Variants in SLIT2 observed in about 807,000 individuals in gnomAD.
SLIT2 encodes slit guidance ligand 2.
A neutral mutation model predicts 185.7 loss-of-function variants in SLIT2; 41 were observed. The observed-to-expected ratio is 0.22, with a 90% CI of 0.17 to 0.29. The LOEUF is 0.29. Ranked by LOEUF, SLIT2 falls within the 10% of genes least tolerant of loss-of-function variation. The pLI is 1.00. For missense variants in SLIT2, 1,571 were observed against 1,909.0 expected (o/e 0.82, Z 3.30); for synonymous variants, 693 against 680.2 (o/e 1.02, Z -0.29).
intron 4 of SLIT2, among the ~76,000 whole-genome samples, chr4:20,288,279 CT>C (rs1293933128): frequency 6.6e-6 from 1 of 152,190 alleles, no homozygotes; most frequent in Non-Finnish European, 1.5e-5. Flanking sequence ...GTGTGTAGGC[CT>C]GGGTTCCTCA....
chr4:20,260,035 A>G (rs1382334629), intron 3 of SLIT2, among the ~76,000 whole-genome samples: 2 of 151,916 alleles, frequency 1.3e-5, no homozygotes, highest in Non-Finnish European at 2.9e-5. Context: ...TTTTAAAAAT[A>G]CATTAAATGG....
intron 5 of SLIT2, among the ~76,000 whole-genome samples, chr4:20,470,788 C>A (rs1714911327): frequency 6.6e-6 from 1 of 152,070 alleles, no homozygotes; most frequent in African/African-American, 2.4e-5. Context: ...GTTGGCCAGG[C>A]TGGTGTTGAA....
intron 11 of SLIT2, among the ~76,000 whole-genome samples, chr4:20,516,096 T>A (rs373823005): frequency 4.6e-5 from 7 of 152,346 alleles, no homozygotes; most frequent in East Asian, 3.9e-4. Context: ...ACTACAGGCG[T>A]GAGCCACTGC....
intron 26 of SLIT2, among the ~76,000 whole-genome samples, chr4:20,559,762 G>A (rs1300426743): frequency 1.3e-5 from 2 of 151,912 alleles, no homozygotes; most frequent in Non-Finnish European, 2.9e-5. Flanking sequence ...ACTGGAGTCA[G>A]AATTTGAACC....
intron 5 of SLIT2, among the ~76,000 whole-genome samples, chr4:20,474,425 G>C (rs929715871): frequency 1.3e-5 from 2 of 151,862 alleles, no homozygotes; most frequent in Non-Finnish European, 2.9e-5. Flanking sequence ...CTCCATCTTT[G>C]CATTTTTCTT....
intron 5 of SLIT2, among the ~76,000 whole-genome samples, chr4:20,479,637 AAAAG>A (rs1451685267): frequency 6.6e-6 from 1 of 152,060 alleles, no homozygotes; most frequent in Non-Finnish European, 1.5e-5. Context: ...CAGAAAAAAA[AAAAG>A]AGTGTGGTAC....
chr4:20,615,692 A>C (rs1467874645), intron 34 of SLIT2: 2 of 152,224 alleles, frequency 1.3e-5, no homozygotes, highest in African/African-American at 2.4e-5. Flanking sequence ...ATGCCAATGG[A>C]TGAGTCATTT....
chr4:20,299,202 G>C (rs1716805062), intron 4 of SLIT2, among the ~76,000 whole-genome samples: 1 of 152,168 alleles, frequency 6.6e-6, no homozygotes, highest in Non-Finnish European at 1.5e-5. Flanking sequence ...AATCCACCCA[G>C]TGGGTGATTT....
intron 4 of SLIT2, among the ~76,000 whole-genome samples, chr4:20,333,435 A>G (rs991876848): frequency 4.6e-5 from 7 of 152,146 alleles, no homozygotes; most frequent in Non-Finnish European, 1.0e-4. Context: ...TTGTATGATT[A>G]TGCATATGTT....
rs561520082 is a variant in SLIT2, at chr4:20,380,250, T to G, written c.396-87502T>G. Among the ~76,000 whole-genome samples, 86 of 152,266 alleles carry G rather than the reference T, an allele frequency of 5.6e-4. No individual in the cohort carries two copies. The South Asian group carries it at 0.014, about 25-fold the overall frequency. Reference sequence around the variant, plus strand: ...GCTCTTCTGGACTTCCCTTAACAAATCTTATAAGCATTTCTCAAAATGAAT... The same window carrying G: ...GCTCTTCTGGACTTCCCTTAACAAAGCTTATAAGCATTTCTCAAAATGAAT... On this transcript the variant is annotated intron_variant, in intron 4 of 36. Transcript: ENST00000504154.
At chr4:20,570,780 G>T (rs1725541165) in intron 29 of SLIT2, among the ~76,000 whole-genome samples, 1 of 143,440 alleles carries the variant, frequency 7.0e-6, no homozygotes, top group Non-Finnish European at 1.5e-5. Flanking sequence ...TGAAAACCTA[G>T]GCTTTGGAGC....
intron 29 of SLIT2, among the ~76,000 whole-genome samples, chr4:20,570,944 C>T (rs1433295045): frequency 6.6e-6 from 1 of 151,654 alleles, no homozygotes; most frequent in Non-Finnish European, 1.5e-5. Flanking sequence ...TTTGTCTCAC[C>T]TGCTCACCCT....
intron 26 of SLIT2, among the ~76,000 whole-genome samples, chr4:20,554,524 A>G (rs186386262): frequency 4.6e-4 from 70 of 152,260 alleles, no homozygotes; most frequent in African/African-American, 1.6e-3. Context: ...CCTTTTTATT[A>G]CAAGAATAAT....
chr4:20,335,528 A>G (rs1168340943), intron 4 of SLIT2, among the ~76,000 whole-genome samples: 1 of 152,154 alleles, frequency 6.6e-6, no homozygotes, highest in Non-Finnish European at 1.5e-5. Flanking sequence ...ATGAGTTGAA[A>G]TATTGGAGCT....
At position 20,523,798 on chromosome 4, in the gene SLIT2, A is replaced by G. The variant is rs1021026463; in HGVS notation, c.1169A>G (p.Asp390Gly). ...AACAAGATAAACTGCCTTCGGGTAG[A>G]TGCTTTTCAGGATCTCCACAACTTG... Reference protein sequence around the residue: ...NANKINCLRVDAFQDLHNLNL... With the variant: ...NANKINCLRVGAFQDLHNLNL... The change falls in exon 13 of 37, where the codon GAT becomes GGT. Residue 390 changes from aspartate to glycine, a missense_variant. Around this residue, in one of 3 missense-constraint regions of SLIT2, gnomAD observed 1,202 missense variants for 1,416.4 expected, o/e 0.85. Coordinates refer to ENST00000504154, the MANE Select transcript of SLIT2 (RefSeq NM_004787.4). 2 of 1,613,962 alleles carry G rather than the reference A, an allele frequency of 1.2e-6. No homozygotes were observed. Among genetic ancestry groups the G allele is most frequent in the East Asian group, 2.2e-5 (1 of 44,886 alleles).
At position 20,375,731 on chromosome 4, in the gene SLIT2, G is replaced by A. The variant is rs114786930; in HGVS notation, c.396-92021G>A. On this transcript the variant is annotated intron_variant, in intron 4 of 36. Coordinates refer to ENST00000504154, the MANE Select transcript of SLIT2 (RefSeq NM_004787.4). Reference sequence around the variant, plus strand: ...ACCTGGTCATTACAATAACATCTGCGTATGAACCCATCAAAGGATCTAATT... The same window carrying A: ...ACCTGGTCATTACAATAACATCTGCATATGAACCCATCAAAGGATCTAATT... Among the ~76,000 whole-genome samples the A allele has an allele frequency of 3.2e-3, 490 of 151,588 alleles. 4 individuals carry two copies. The highest frequency in any genetic ancestry group is 0.012 in the South Asian group (55 of 4,778).
At chr4:20,446,580 G>A (rs1711826421) in intron 4 of SLIT2, among the ~76,000 whole-genome samples, 1 of 152,234 alleles carries the variant, frequency 6.6e-6, no homozygotes, top group Admixed American at 6.5e-5. Flanking sequence ...GAGTCAGGCA[G>A]TGTTTAAAAG....
intron 5 of SLIT2, among the ~76,000 whole-genome samples, chr4:20,472,502 C>A (rs28374451): frequency 0.021 from 219 of 10,252 alleles, 71 homozygotes; most frequent in East Asian, 0.062. Context: ...AGATATATAT[C>A]TATATATAGA....
chr4:20,496,567 C>T (rs552180304), intron 9 of SLIT2, among the ~76,000 whole-genome samples: 3 of 152,246 alleles, frequency 2.0e-5, no homozygotes, highest in South Asian at 2.1e-4. Context: ...GCAGAAGCTC[C>T]CCTCTTGTTT....
Sources: gnomAD v4.1 joint callset for allele counts (sites outside exome capture counted in the v4.1 genomes callset) on GRCh38, gnomAD v4.1.1 for gene constraint, gnomAD v4.1.1 regional missense constraint, MANE v1.5 for transcripts, NCBI Gene and HGNC (gene_info 2026-07-23, HGNC 2026-07-21) for gene names.